The following SOS2 variants were observed in gnomAD, a reference collection of about 807,000 sequenced individuals.
SOS2 encodes son of sevenless homolog 2.
In SOS2, 65 loss-of-function variants were observed where a neutral mutation model predicts 148.2. The observed-to-expected ratio is 0.44, with a 90% CI of 0.36 to 0.54. SOS2 has a LOEUF of 0.54. Among genes scored for constraint, SOS2 ranks in the 20% least tolerant of loss-of-function variants. The pLI is 0.00. For synonymous variants in SOS2, 539 were observed against 537.1 expected, an observed-to-expected ratio of 1.00 and a Z score of -0.05; for missense variants, 1,341 against 1,590.2, an observed-to-expected ratio of 0.84 and a Z score of 2.67.
At chr14:50,219,007 G>A (rs1377788113) in intron 1 of SOS2, among the ~76,000 whole-genome samples, 1 of 151,916 alleles carries the variant, frequency 6.6e-6, no homozygotes, top group Non-Finnish European at 1.5e-5. Context: ...CAGCTTCTCA[G>A]GAGGCTGAGG....
intron 1 of SOS2, among the ~76,000 whole-genome samples, chr14:50,205,320 G>A (rs1426344472): frequency 1.3e-5 from 2 of 152,096 alleles, no homozygotes; most frequent in South Asian, 2.1e-4. Flanking sequence ...CCAAAGTGCT[G>A]AGATTATAGC....
intron 7 of SOS2, among the ~76,000 whole-genome samples, chr14:50,174,930 C>T (rs1447930088): frequency 6.6e-6 from 1 of 152,152 alleles, no homozygotes; most frequent in Non-Finnish European, 1.5e-5. Context: ...ATGCTGTATA[C>T]TGTAAATGTG....
intron 7 of SOS2, among the ~76,000 whole-genome samples, chr14:50,175,196 CT>C (rs975680487): frequency 6.6e-6 from 1 of 152,178 alleles, no homozygotes; most frequent in Non-Finnish European, 1.5e-5. Context: ...GGTATGAGAA[CT>C]TTACAAGCTT....
chr14:50,176,444 A>G (rs970414663), intron 7 of SOS2, among the ~76,000 whole-genome samples: 3 of 152,244 alleles, frequency 2.0e-5, no homozygotes, highest in Admixed American at 1.3e-4. Context: ...ATTAGTCTAC[A>G]AGATCAACTG....
Position 50,132,945 on chromosome 14 carries a change from C to A in SOS2, c.3075+1178G>T, listed in dbSNP as rs142274483. Among the ~76,000 whole-genome samples the A allele has an allele frequency of 4.6e-5, 7 of 152,078 alleles. No homozygotes were observed. In the East Asian group the frequency reaches 1.4e-3, roughly 29 times the overall value. On this transcript the variant is annotated intron_variant, in intron 19 of 22. Transcript: ENST00000216373. Reference sequence around the variant, plus strand: ...AGATCATTAGGCATCCACTTACAGTCTTGACTTGGCTCCTTCTGACTTTTT... The same window carrying A: ...AGATCATTAGGCATCCACTTACAGTATTGACTTGGCTCCTTCTGACTTTTT...
chr14:50,137,877 T>A (rs997587142), intron 18 of SOS2, among the ~76,000 whole-genome samples: 30 of 152,238 alleles, frequency 2.0e-4, no homozygotes, highest in Admixed American at 3.9e-4. Flanking sequence ...TCTCCCTCTG[T>A]CACCCAGGCT....
chr14:50,121,708 A>G (rs1883520133), intron 21 of SOS2, among the ~76,000 whole-genome samples: 1 of 150,990 alleles, frequency 6.6e-6, no homozygotes, highest in African/African-American at 2.4e-5. Flanking sequence ...AAAAATTGCT[A>G]TCTCAGTCAT....
intron 11 of SOS2, 85 bp from the exon 12 acceptor site, chr14:50,157,206 C>T (rs951010963): frequency 6.8e-7 from 1 of 1,476,048 alleles, no homozygotes; most frequent in Non-Finnish European, 9.1e-7. Context: ...TTCTTTCCTA[C>T]CACTTCCACG....
intron 8 of SOS2, among the ~76,000 whole-genome samples, chr14:50,163,564 A>G (rs1885079035): frequency 6.6e-6 from 1 of 152,242 alleles, no homozygotes; most frequent in South Asian, 2.1e-4. Flanking sequence ...CTTAATCTCT[A>G]GACTAAGCAA....
At chr14:50,170,249 A>T (rs937804022) in intron 8 of SOS2, among the ~76,000 whole-genome samples, 1 of 152,136 alleles carries the variant, frequency 6.6e-6, no homozygotes, top group African/African-American at 2.4e-5. Context: ...GATAAATTTT[A>T]GATAAATTTC....
chr14:50,129,774 T>C (rs180754171), intron 21 of SOS2, among the ~76,000 whole-genome samples, 187 bp downstream of exon 21: 2 of 152,256 alleles, frequency 1.3e-5, no homozygotes, highest in African/African-American at 4.8e-5. Flanking sequence ...TTAGAACAGA[T>C]CATAAAAAAT....
chr14:50,161,789 CTTTTTTTTTTT>C lies in SOS2; in HGVS notation c.1069-191_1069-181del, dbSNP rs36219580. The stretch of plus-strand genomic sequence containing the variant: ...CCTCTCAAACCAACCCTTTTTCTTT[CTTTTTTTTTTT>C]TTTTTTTGAAACAGGATCTCACTCA... On this transcript the variant is annotated intron_variant, in intron 8 of 22. Transcript: ENST00000216373. Among the ~76,000 whole-genome samples, 65 of 135,310 alleles carry C rather than the reference CTTTTTTTTTTT, an allele frequency of 4.8e-4. 2 individuals carry two copies. Among genetic ancestry groups the C allele is most frequent in the Non-Finnish European group, 9.5e-5 (6 of 63,156 alleles). The allele number at this position is 135,310 out of a possible 152,430, so 88.8% of individuals were successfully genotyped here.
chr14:50,188,522 G>C lies in SOS2; in HGVS notation c.689C>G (p.Ser230Cys), dbSNP rs746666060. The C allele has an allele frequency of 6.3e-7, 1 of 1,599,542 alleles. No individual in the cohort carries two copies. Among genetic ancestry groups the C allele is most frequent in the Non-Finnish European group, 8.5e-7 (1 of 1,176,444 alleles). Reference protein sequence around the residue: ...IIKVFREAFLSDRKLFKPSDI... With the variant: ...IIKVFREAFLCDRKLFKPSDI... ...AGAAGGTTTAAACAGCTTTCTATCA[G>C]AAAGAAAGGCTTCTCGAAACACTTT... The change falls in exon 5 of 23, where the codon TCT (serine) becomes TGT (cysteine). Residue 230 changes from serine (S) to cysteine (C), a missense_variant. Physicochemically the swap from Ser to Cys is moderately radical, Grantham distance 112. This residue lies in a region of SOS2 where 574 missense variants were observed against 711.1 expected (regional missense o/e 0.81). Transcript: ENST00000216373.
intron 1 of SOS2, among the ~76,000 whole-genome samples, chr14:50,211,721 G>A (rs1006006968): frequency 6.6e-6 from 1 of 152,038 alleles, no homozygotes; most frequent in Non-Finnish European, 1.5e-5. Context: ...TCCTCCCAAA[G>A]TGCTGGGATT....
intron 8 of SOS2, among the ~76,000 whole-genome samples, chr14:50,166,726 C>A (rs570345624): frequency 6.6e-6 from 1 of 152,228 alleles, no homozygotes; most frequent in African/African-American, 2.4e-5. Flanking sequence ...GCTACATCTA[C>A]TATGGACATA....
chr14:50,205,707 G>A (rs897538774), intron 1 of SOS2, among the ~76,000 whole-genome samples: 1 of 152,092 alleles, frequency 6.6e-6, no homozygotes, highest in Non-Finnish European at 1.5e-5. Context: ...CGAGGTGGGT[G>A]GATCACCTGA....
chr14:50,138,090 C>T (rs544990020), intron 18 of SOS2, among the ~76,000 whole-genome samples: 58 of 152,182 alleles, frequency 3.8e-4, no homozygotes, highest in African/African-American at 1.3e-3. Context: ...GTCCTCCCGC[C>T]TCAGCCTCCC....
In SOS2 at chr14:50,231,260, G is replaced by A. The variant is rs1595044675; in HGVS notation, c.24C>T (p.Tyr8=). The change falls in exon 1 of 23, where the codon TAC becomes TAT. Residue 8 remains tyrosine, a synonymous_variant. Transcript: ENST00000216373. MQQAPQP[Y]EFFSEENSPK... The stretch of plus-strand genomic sequence containing the variant: ...GACTGTTCTCCTCGCTGAAGAACTC[G>A]TAAGGCTGCGGCGCCTGCTGCATGG... 2 of 1,488,270 alleles carry A rather than the reference G, an allele frequency of 1.3e-6. No homozygotes were observed. The highest frequency in any genetic ancestry group is 1.8e-6 in the Non-Finnish European group (2 of 1,105,974). The allele number at this position is 1,488,270 out of a possible 1,614,324, so 92.2% of individuals were successfully genotyped here.
At chr14:50,183,420 G>T (rs1885807901) in intron 5 of SOS2, among the ~76,000 whole-genome samples, 1 of 151,800 alleles carries the variant, frequency 6.6e-6, no homozygotes, top group African/African-American at 2.4e-5. Context: ...AGAGTTAAGG[G>T]TATATCTTCA....
Sources: allele counts gnomAD v4.1 joint callset (sites outside exome capture counted in the v4.1 genomes callset), GRCh38; gene constraint gnomAD v4.1.1; regional missense constraint gnomAD v4.1.1; transcripts MANE v1.5; gene names NCBI Gene and HGNC (gene_info 2026-07-23, HGNC 2026-07-21).